DLGAP1: variants seen among roughly 807,000 people sequenced by gnomAD.
DLGAP1 encodes the protein disks large-associated protein 1.
A neutral mutation model predicts 90.8 loss-of-function variants in DLGAP1; 11 were observed. The ratio of observed to expected loss-of-function variants is 0.12; its 90% CI spans 0.08 to 0.20. The LOEUF is 0.20. DLGAP1 is among the 10% of genes least tolerant of loss of function. The pLI, the probability that DLGAP1 is intolerant of heterozygous loss-of-function variation, is 1.00. For missense variants in DLGAP1, 1,050 were observed against 1,333.8 expected, an observed-to-expected ratio of 0.79 and a Z score of 3.31; for synonymous variants, 558 against 540.7, an observed-to-expected ratio of 1.03 and a Z score of -0.44.
At chr18:3,666,073 A>G in intron 7 of DLGAP1, among the ~76,000 whole-genome samples, 1 of 152,154 alleles carries the variant, frequency 6.6e-6, no homozygotes, top group East Asian at 1.9e-4. Flanking sequence ...CACCGGGGGA[A>G]GAGAGCCCCG....
At chr18:3,532,087 T>G (rs1038419518) in intron 10 of DLGAP1, among the ~76,000 whole-genome samples, 1 of 151,732 alleles carries the variant, frequency 6.6e-6, no homozygotes, top group Non-Finnish European at 1.5e-5. Flanking sequence ...ACTCCTGACC[T>G]CAAGCGATCC....
intron 3 of DLGAP1, among the ~76,000 whole-genome samples, chr18:3,936,710 A>T (rs1392648246): frequency 6.6e-6 from 1 of 152,228 alleles, no homozygotes; most frequent in Non-Finnish European, 1.5e-5. Context: ...AATGAGTGAA[A>T]TGTTCTCAAA....
rs542590358 is a variant in DLGAP1 at position 3,625,570 on chromosome 18, G to T, written c.1592-43322C>A. On this transcript the variant is annotated intron_variant, in intron 7 of 12. Transcript: ENST00000315677. ...TTTAAGGCAGTTAAACCCAAAGCAT[G>T]CCTTTTTTGGGGTTTTGTTTATGAA... 1.1e-4 allele frequency among the ~76,000 whole-genome samples: 17 copies of T among 152,310 alleles called. No individual in the cohort carries two copies. The South Asian group carries it at 1.2e-3, about 11-fold the overall frequency.
chr18:3,531,667 G>T (rs956996615), intron 10 of DLGAP1, among the ~76,000 whole-genome samples: 1 of 151,824 alleles, frequency 6.6e-6, no homozygotes, highest in African/African-American at 2.4e-5. Context: ...ATTTTTACGA[G>T]AGATGGGGTT....
At chr18:3,765,761 G>A (rs2064215188) in intron 5 of DLGAP1, among the ~76,000 whole-genome samples, 1 of 151,960 alleles carries the variant, frequency 6.6e-6, no homozygotes, top group Admixed American at 6.6e-5. Flanking sequence ...TTGAACCTGG[G>A]AGGCAGAGGT....
At chr18:3,855,601 A>AAATT (rs974844429) in intron 4 of DLGAP1, among the ~76,000 whole-genome samples, 36 of 152,130 alleles carry the variant, frequency 2.4e-4, no homozygotes, top group Non-Finnish European at 3.2e-4. Flanking sequence ...AGATTTTAAA[A>AAATT]AATTAATTAA....
chr18:4,381,997 A>G lies in DLGAP1; in HGVS notation c.-267+73009T>C, dbSNP rs149079554. On this transcript the variant is annotated intron_variant, in intron 1 of 12. Transcript: ENST00000315677. ...GAGAAACTTCTTATAAAACCGTGAG[A>G]TCTCATGAGACTTATTCACCACCAA... 4.1e-3 allele frequency among the ~76,000 whole-genome samples: 620 copies of G among 152,248 alleles called. 1 individual carries two copies. The highest frequency in any genetic ancestry group is 7.5e-3 in the Non-Finnish European group (508 of 68,008).
intron 1 of DLGAP1, among the ~76,000 whole-genome samples, chr18:4,247,277 A>G (rs1347342836): frequency 2.6e-5 from 4 of 152,200 alleles, no homozygotes; most frequent in Non-Finnish European, 4.4e-5. Context: ...CACCAGCTAT[A>G]TTAGACATTA....
intron 5 of DLGAP1, among the ~76,000 whole-genome samples, chr18:3,753,642 G>A (rs2063592649): frequency 6.6e-6 from 1 of 152,170 alleles, no homozygotes; most frequent in Admixed American, 6.5e-5. Context: ...GAGCTCCATC[G>A]CTCACCTGTG....
At chr18:4,111,556 G>A (rs183382903) in intron 2 of DLGAP1, among the ~76,000 whole-genome samples, 1 of 152,156 alleles carries the variant, frequency 6.6e-6, no homozygotes, top group Non-Finnish European at 1.5e-5. Context: ...CTGAACTATG[G>A]ATTTTCTTTA....
chr18:3,844,809 C>G (rs1350349442), intron 4 of DLGAP1, among the ~76,000 whole-genome samples: 2 of 152,048 alleles, frequency 1.3e-5, no homozygotes, highest in Admixed American at 6.6e-5. Context: ...ACATGATGTA[C>G]GTATTCTGCT....
chr18:3,743,512 G>A (rs1300816105), intron 5 of DLGAP1, among the ~76,000 whole-genome samples: 1 of 151,400 alleles, frequency 6.6e-6, no homozygotes, highest in Non-Finnish European at 1.5e-5. Context: ...CTGCCACCAC[G>A]CCTGGCTATT....
chr18:4,403,818 T>C (rs16946693), intron 1 of DLGAP1, among the ~76,000 whole-genome samples: 49,465 of 152,052 alleles, frequency 0.33, 8,196 homozygotes, highest in Admixed American at 0.36. Context: ...ATTTGCAAGA[T>C]CTATTTGCTA....
chr18:4,287,285 G>A (rs543026284), intron 1 of DLGAP1, among the ~76,000 whole-genome samples: 1 of 152,112 alleles, frequency 6.6e-6, no homozygotes, highest in Non-Finnish European at 1.5e-5. Context: ...AAATAGGAAC[G>A]CTTTTGTGTG....
At chr18:4,056,471 G>T (rs76252857) in intron 2 of DLGAP1, among the ~76,000 whole-genome samples, 1 of 152,110 alleles carries the variant, frequency 6.6e-6, no homozygotes, top group Non-Finnish European at 1.5e-5. Flanking sequence ...ATGAGATCTG[G>T]GTGGTACATT....
At chr18:3,507,868 C>T (rs2050329386) in intron 11 of DLGAP1, among the ~76,000 whole-genome samples, 1 of 149,584 alleles carries the variant, frequency 6.7e-6, no homozygotes, top group African/African-American at 2.4e-5. Flanking sequence ...TCCTGAGTAG[C>T]TGGGATTATA....
chr18:4,090,339 ATC>A (rs1048955399), intron 2 of DLGAP1, among the ~76,000 whole-genome samples: 4 of 152,170 alleles, frequency 2.6e-5, no homozygotes, highest in African/African-American at 7.2e-5. Flanking sequence ...AATTTTTGCA[ATC>A]TATTCATCTG....
chr18:4,041,346 G>A (rs1247942625), intron 2 of DLGAP1, among the ~76,000 whole-genome samples: 1 of 152,118 alleles, frequency 6.6e-6, no homozygotes, highest in Non-Finnish European at 1.5e-5. Context: ...GAGGAATATG[G>A]AGTAGAAAAT....
At chr18:4,121,563 AAGAATC>A (rs2076153986) in intron 2 of DLGAP1, among the ~76,000 whole-genome samples, 1 of 151,940 alleles carries the variant, frequency 6.6e-6, no homozygotes, top group Non-Finnish European at 1.5e-5. Flanking sequence ...TGCCTTCATC[AAGAATC>A]CTGTTAGGTC....
Sources: allele counts gnomAD v4.1 joint callset (sites outside exome capture counted in the v4.1 genomes callset), GRCh38; gene constraint gnomAD v4.1.1; transcripts MANE v1.5; gene names NCBI Gene and HGNC (gene_info 2026-07-23, HGNC 2026-07-21).